BRIP1: variants seen among roughly 807,000 people sequenced by gnomAD.
BRIP1 encodes BRCA1 interacting DNA helicase 1.
Under a neutral mutation model 119.7 loss-of-function variants are expected in BRIP1, and 88 were observed. That is an observed-to-expected ratio of 0.74 (90% confidence interval 0.62 to 0.88). The LOEUF (loss-of-function observed/expected upper bound fraction) is 0.88. Ranked by LOEUF, BRIP1 falls within the 40% of genes least tolerant of loss-of-function variation. The pLI is 0.00. For missense variants in BRIP1, 1,259 were observed against 1,455.4 expected (o/e 0.87, Z 2.20); for synonymous variants, 443 against 496.5 (o/e 0.89, Z 1.43).
chr17:61,744,399 T>A lies in BRIP1; in HGVS notation c.2257+33A>T, dbSNP rs1291322524. 1 of 1,603,538 alleles carries A rather than the reference T, an allele frequency of 6.2e-7. No individual in the cohort carries two copies. Among genetic ancestry groups the A allele is most frequent in the Admixed American group, 1.7e-5 (1 of 59,954 alleles). ...CTTCTTACTTTGTAATAAAAAATAT[T>A]TTTTCACCGACCATGAAATAATTTC... On this transcript the variant is annotated intron_variant, in intron 15 of 19. Transcript: ENST00000259008. The surrounding 1 kb of genome is among the most constrained non-coding windows in gnomAD (Gnocchi z 5.0).
Position 61,685,894 on chromosome 17 carries a change from A to G in BRIP1, c.2847T>C (p.Pro949=), listed in dbSNP as rs45499991. ...AKICVQELQC[P]KIITKNSPLP... Reference sequence around the variant, plus strand: ...GAGGTGAATTTTTGGTAATAATTTTAGGACACTGTAGTTCCTGGACACATA... The same window carrying G: ...GAGGTGAATTTTTGGTAATAATTTTGGGACACTGTAGTTCCTGGACACATA... The change falls in exon 19 of 20, where the codon CCT becomes CCC. Residue 949 remains proline, a synonymous_variant. Transcript: ENST00000259008. 4.3e-6 allele frequency: 7 copies of G among 1,613,898 alleles called. No individual in the cohort carries two copies. Among genetic ancestry groups the G allele is most frequent in the Middle Eastern group, 1.7e-4 (1 of 6,054 alleles).
chr17:61,788,538 A>G (rs1327370536), intron 10 of BRIP1, among the ~76,000 whole-genome samples: 1 of 152,236 alleles, frequency 6.6e-6, no homozygotes, highest in African/African-American at 2.4e-5. Context: ...GAAAATAATA[A>G]AGTGAGGGAT....
rs191086535 is a variant in BRIP1, at chr17:61,856,159, G to A, written c.379+899C>T. Among the ~76,000 whole-genome samples, 5 of 152,258 alleles carry A rather than the reference G, an allele frequency of 3.3e-5. No individual in the cohort carries two copies. Among genetic ancestry groups the A allele is most frequent in the Non-Finnish European group, 5.9e-5 (4 of 68,008 alleles). ...CAAAACAATGTAGACAACACTATTG[G>A]TCACCTATTTAATAACTGTTCCACT... On this transcript the variant is annotated intron_variant, in intron 4 of 19. Transcript: ENST00000259008. The surrounding 1 kb of genome is among the most constrained non-coding windows in gnomAD (Gnocchi z 5.1).
At chr17:61,813,698 A>T (rs2078197121) in intron 6 of BRIP1, among the ~76,000 whole-genome samples, 1 of 152,054 alleles carries the variant, frequency 6.6e-6, no homozygotes, top group African/African-American at 2.4e-5. Context: ...TGCCATTTTT[A>T]AGCCTGTCCT....
chr17:61,803,545 AC>A lies in BRIP1; in HGVS notation c.919-2072del, dbSNP rs1370243782. 6.6e-6 allele frequency among the ~76,000 whole-genome samples: 1 copy of A among 152,088 alleles called. No homozygotes were observed. Among genetic ancestry groups the A allele is most frequent in the Non-Finnish European group, 1.5e-5 (1 of 67,994 alleles). ...AGGGAGACTCAATCTCTACAAAAAA[AC>A]AAAAAAAATTAAACCGCAGTGAGCA... On this transcript the variant is annotated intron_variant, in intron 7 of 19. Coordinates refer to ENST00000259008, the MANE Select transcript of BRIP1 (RefSeq NM_032043.3). The surrounding 1 kb of genome is among the most constrained non-coding windows in gnomAD (Gnocchi z 4.3).
intron 9 of BRIP1, among the ~76,000 whole-genome samples, chr17:61,797,942 A>G (rs2077926393): frequency 6.6e-6 from 1 of 152,046 alleles, no homozygotes; most frequent in African/African-American, 2.4e-5. Flanking sequence ...TGGTAGAAGC[A>G]TACATTAGCC....
chr17:61,824,640 A>G lies in BRIP1; in HGVS notation c.628-15883T>C, dbSNP rs1038871772. ...CAATGAAGTTGCACCATTATAATATATGGAAAAATTAACTCTACATGGATC... is the reference window on the plus strand; with the variant it reads ...CAATGAAGTTGCACCATTATAATATGTGGAAAAATTAACTCTACATGGATC... On this transcript the variant is annotated intron_variant, in intron 6 of 19. Transcript: ENST00000259008. The surrounding 1 kb of genome is among the most constrained non-coding windows in gnomAD (Gnocchi z 4.3). 2.6e-5 allele frequency among the ~76,000 whole-genome samples: 4 copies of G among 152,240 alleles called. No homozygotes were observed. The highest frequency in any genetic ancestry group is 5.9e-5 in the Non-Finnish European group (4 of 68,030).
At chr17:61,787,201 A>T (rs2077735735) in intron 10 of BRIP1, among the ~76,000 whole-genome samples, 1 of 67,800 alleles carries the variant, frequency 1.5e-5, no homozygotes. Context: ...ATACTATATA[A>T]AATATATAAA....
At position 61,738,325 on chromosome 17, in the gene BRIP1, C is replaced by T. The variant is rs2076945556; in HGVS notation, c.2379+4688G>A. Among the ~76,000 whole-genome samples, 1 of 152,168 alleles carries T rather than the reference C, an allele frequency of 6.6e-6. No homozygotes were observed. On this transcript the variant is annotated intron_variant, in intron 16 of 19. Coordinates refer to ENST00000259008, the MANE Select transcript of BRIP1 (RefSeq NM_032043.3). The surrounding 1 kb of genome is among the most constrained non-coding windows in gnomAD (Gnocchi z 4.2). ...GCAATAAGAAATACACTTCCCAGTA[C>T]ATCTAGTAGTGCTGGTAAATAATTT...
chr17:61,859,007 G>A lies in BRIP1; in HGVS notation c.205+789C>T, dbSNP rs888583128. ...GCCTGGGAGTTTGAGGTTACAGTGA[G>A]CTATGATCACATCACTATGCTCCAT... On this transcript the variant is annotated intron_variant, in intron 3 of 19. Transcript: ENST00000259008. Among the ~76,000 whole-genome samples, 7 of 144,152 alleles carry A rather than the reference G, an allele frequency of 4.9e-5. No individual in the cohort carries two copies. The Admixed American group carries it at 5.0e-4, about 10-fold the overall frequency. The allele number at this position is 144,152 out of a possible 152,430, so 94.6% of individuals were successfully genotyped here. A position where few individuals can be genotyped will look rare whatever the true frequency, so the allele number is the denominator to read the frequency against.
Position 61,748,403 on chromosome 17 carries a change from C to G in BRIP1, c.2098-3812G>C, listed in dbSNP as rs2077087121. Reference sequence around the variant, plus strand: ...GGACCATTGATTTTAAAGACTAATACAAATGTAGATTCAATGTAACTCCTA... The same window carrying G: ...GGACCATTGATTTTAAAGACTAATAGAAATGTAGATTCAATGTAACTCCTA... On this transcript the variant is annotated intron_variant, in intron 14 of 19. Coordinates refer to ENST00000259008, the MANE Select transcript of BRIP1 (RefSeq NM_032043.3). The surrounding 1 kb of genome is among the most constrained non-coding windows in gnomAD (Gnocchi z 4.7). 6.6e-6 allele frequency among the ~76,000 whole-genome samples: 1 copy of G among 152,100 alleles called. No individual in the cohort carries two copies. Among genetic ancestry groups the G allele is most frequent in the South Asian group, 2.1e-4 (1 of 4,834 alleles).
intron 6 of BRIP1, among the ~76,000 whole-genome samples, chr17:61,818,958 G>A (rs1204308664): frequency 6.6e-6 from 1 of 152,002 alleles, no homozygotes; most frequent in Non-Finnish European, 1.5e-5. Context: ...GGCCGAGGGG[G>A]GCAGATCACC....
rs1364041507 is a variant in BRIP1 at position 61,776,234 on chromosome 17, T to G, written c.2097+167A>C. 13 of 746,998 alleles carry G rather than the reference T, an allele frequency of 1.7e-5. No individual in the cohort carries two copies. The highest frequency in any genetic ancestry group is 2.8e-5 in the Admixed American group (1 of 35,934). 46.3% of individuals were successfully genotyped at this position (746,998 alleles called of 1,614,324 possible). A position where few individuals can be genotyped will look rare whatever the true frequency, so the allele number is the denominator to read the frequency against. Reference sequence around the variant, plus strand: ...AGAGGTAGGACAATCAGGCAGTATCTTAATCAAAAAATAAGTAAAATAATA... The same window carrying G: ...AGAGGTAGGACAATCAGGCAGTATCGTAATCAAAAAATAAGTAAAATAATA... On this transcript the variant is annotated intron_variant, in intron 14 of 19. Transcript: ENST00000259008. This position sits in a 1 kb window ranked among gnomAD's most constrained non-coding sequence, Gnocchi z 5.0.
In BRIP1 at chr17:61,695,050, T is replaced by G. The variant is rs1347304937; in HGVS notation, c.2493-1538A>C. On this transcript the variant is annotated intron_variant, in intron 17 of 19. Transcript: ENST00000259008. The surrounding 1 kb of genome is among the most constrained non-coding windows in gnomAD (Gnocchi z 4.3). ...AAAGTCCAATTTATCTGCTTTTTCTTTGGTTGCTTGTGCTTCTGATAGCAG... is the reference window on the plus strand; with the variant it reads ...AAAGTCCAATTTATCTGCTTTTTCTGTGGTTGCTTGTGCTTCTGATAGCAG... Among the ~76,000 whole-genome samples, 1 of 152,042 alleles carries G rather than the reference T, an allele frequency of 6.6e-6. No individual in the cohort carries two copies. Among genetic ancestry groups the G allele is most frequent in the Non-Finnish European group, 1.5e-5 (1 of 67,938 alleles).
intron 13 of BRIP1, among the ~76,000 whole-genome samples, chr17:61,779,678 G>T (rs1175888526): frequency 6.6e-6 from 1 of 151,894 alleles, no homozygotes; most frequent in East Asian, 1.9e-4. Context: ...TAAATAGGCT[G>T]GGCACAGTGG....
At position 61,682,876 on chromosome 17, in the gene BRIP1, T is replaced by A. The variant is rs1416042411; in HGVS notation, c.*420A>T. On this transcript the variant is annotated 3_prime_UTR_variant, in exon 20 of 20. Coordinates refer to ENST00000259008, the MANE Select transcript of BRIP1 (RefSeq NM_032043.3). This position sits in a 1 kb window ranked among gnomAD's most constrained non-coding sequence, Gnocchi z 4.9. ...GGCCAGGCACTGTGGCTCACACCTG[T>A]AATCCCAGCAACTTAGGGAGGCAGA... 1 of 211,996 alleles carries A rather than the reference T, an allele frequency of 4.7e-6. No individual in the cohort carries two copies. Among genetic ancestry groups the A allele is most frequent in the African/African-American group, 2.3e-5 (1 of 43,184 alleles). The allele number at this position is 211,996 out of a possible 1,614,324, so 13.1% of individuals were successfully genotyped here.
Position 61,860,547 on chromosome 17 carries a change from C to T in BRIP1, c.94-640G>A, listed in dbSNP as rs1196177545. Among the ~76,000 whole-genome samples the T allele has an allele frequency of 1.3e-5, 2 of 152,170 alleles. No homozygotes were observed. The highest frequency in any genetic ancestry group is 2.9e-5 in the Non-Finnish European group (2 of 68,018). The stretch of plus-strand genomic sequence containing the variant: ...TGGTGGCGCATCCCTGTAATCCCAG[C>T]TACTGGGGAGGCTGAGGCAGGAGAA... On this transcript the variant is annotated intron_variant, in intron 2 of 19. Transcript: ENST00000259008. This position sits in a 1 kb window ranked among gnomAD's most constrained non-coding sequence, Gnocchi z 4.1.
Position 61,734,808 on chromosome 17 carries a change from C to T in BRIP1, c.2379+8205G>A, listed in dbSNP as rs946782391. On this transcript the variant is annotated intron_variant, in intron 16 of 19. Coordinates refer to ENST00000259008, the MANE Select transcript of BRIP1 (RefSeq NM_032043.3). The surrounding 1 kb of genome is among the most constrained non-coding windows in gnomAD (Gnocchi z 5.2). ...TAACTTTTACTTCCATAATCTTTCT[C>T]AAATTTAAGAAAAAATTTTAGTATC... Among the ~76,000 whole-genome samples the T allele has an allele frequency of 1.4e-4, 21 of 152,126 alleles. No individual in the cohort carries two copies. Among genetic ancestry groups the T allele is most frequent in the African/African-American group, 5.1e-4 (21 of 41,438 alleles).
In BRIP1 at chr17:61,695,725, C is replaced by G. The variant is rs1299052033; in HGVS notation, c.2493-2213G>C. Among the ~76,000 whole-genome samples the G allele has an allele frequency of 6.6e-6, 1 of 151,920 alleles. No homozygotes were observed. The highest frequency in any genetic ancestry group is 6.6e-5 in the Admixed American group (1 of 15,262). ...TAAGTATATTTCTAAGTATTTTCTT[C>G]TTTCTGATGTTATTTTAAATGGTAT... is the stretch of plus-strand genomic sequence containing the variant. On this transcript the variant is annotated intron_variant, in intron 17 of 19. Coordinates refer to ENST00000259008, the MANE Select transcript of BRIP1 (RefSeq NM_032043.3). This position sits in a 1 kb window ranked among gnomAD's most constrained non-coding sequence, Gnocchi z 4.3.
Sources: allele counts gnomAD v4.1 joint callset (sites outside exome capture counted in the v4.1 genomes callset), GRCh38; gene constraint gnomAD v4.1.1; non-coding constraint Gnocchi (gnomAD v3.1); transcripts MANE v1.5; gene names NCBI Gene and HGNC (gene_info 2026-07-23, HGNC 2026-07-21).